The following PAPPA2 variants were observed in gnomAD, a reference collection of about 807,000 sequenced individuals.
PAPPA2 encodes the protein pappalysin 2.
A neutral mutation model predicts 176.4 loss-of-function variants in PAPPA2; 86 were observed. That is an observed-to-expected ratio of 0.49 (90% CI 0.41 to 0.58). The LOEUF is 0.58. PAPPA2 is among the 20% of genes least tolerant of loss of function. The pLI is 0.00. For synonymous variants in PAPPA2, 809 were observed against 852.2 expected (o/e 0.95, Z 0.88); for missense variants, 2,073 against 2,256.9 (o/e 0.92, Z 1.65).
chr1:176,690,214 C>G lies in PAPPA2; in HGVS notation c.2215C>G (p.Leu739Val). 1 of 1,614,076 alleles carries G rather than the reference C, an allele frequency of 6.2e-7. No homozygotes were observed. The highest frequency in any genetic ancestry group is 1.1e-5 in the South Asian group (1 of 91,062). The change falls in exon 5 of 23, where the codon CTG (leucine) becomes GTG (valine). Residue 739 changes from leucine to valine, a missense_variant. Leu to Val is a conservative substitution (Grantham distance 32, BLOSUM62 1). Around this residue, in one of 4 missense-constraint regions of PAPPA2, gnomAD observed 1,196 missense variants for 1,330.4 expected, o/e 0.90. Transcript: ENST00000367662. ...DTMIHEVGHV[L>V]GLYHVFKGVS... The stretch of plus-strand genomic sequence containing the variant: ...CATGATCCATGAAGTGGGACATGTT[C>G]TGGGACTCTACCATGTCTTTAAAGG...
At chr1:176,755,135 G>T (rs1414986133) in intron 14 of PAPPA2, among the ~76,000 whole-genome samples, 2 of 152,102 alleles carry the variant, frequency 1.3e-5, no homozygotes, top group Admixed American at 1.3e-4. Flanking sequence ...TATCAACAAA[G>T]GACTGACAAA....
At chr1:176,673,001 A>G (rs374000878) in intron 4 of PAPPA2, among the ~76,000 whole-genome samples, 1 of 152,160 alleles carries the variant, frequency 6.6e-6, no homozygotes, top group African/African-American at 2.4e-5. Context: ...TAAACCAAAG[A>G]AGGCATTCAG....
At chr1:176,783,563 C>A (rs10913250) in intron 17 of PAPPA2, among the ~76,000 whole-genome samples, 61,945 of 152,096 alleles carry the variant, frequency 0.41, 14,058 homozygotes, top group African/African-American at 0.6. Flanking sequence ...AATTGGGAAA[C>A]GCACCTTCTA....
At chr1:176,803,623 C>T (rs1665776121) in intron 21 of PAPPA2, among the ~76,000 whole-genome samples, 1 of 152,156 alleles carries the variant, frequency 6.6e-6, no homozygotes, top group African/African-American at 2.4e-5. Context: ...TGGTTGGGAC[C>T]TCAACATTTC....
intron 18 of PAPPA2, 97 bp from the exon 19 acceptor site, chr1:176,791,250 A>G: frequency 1.2e-6 from 1 of 806,216 alleles, no homozygotes; most frequent in Non-Finnish European, 1.7e-6. Flanking sequence ...TCCAGGTTCT[A>G]GAACTGGAGA....
chr1:176,723,285 G>A (rs1437796565), intron 12 of PAPPA2, among the ~76,000 whole-genome samples: 1 of 152,124 alleles, frequency 6.6e-6, no homozygotes, highest in Admixed American at 6.5e-5. Context: ...AACTTTTGTG[G>A]ACTACATTTA....
intron 3 of PAPPA2, among the ~76,000 whole-genome samples, chr1:176,596,690 T>C (rs375848002): frequency 3.9e-5 from 6 of 152,312 alleles, no homozygotes; most frequent in Non-Finnish European, 5.9e-5. Flanking sequence ...ACCACTATAT[T>C]CCCAAGGCCT....
rs540681804 is a variant in PAPPA2, at chr1:176,595,226, T to C, written c.1622T>C (p.Ile541Thr). ...TGTGATGATGAGGGCCTAAACCCCA[T>C]TGTGAGTGAGGAGCAGATTCGTCTG... ...NICDDEGLNPIVSEEQIRLQH... is the reference protein window; with the variant it reads ...NICDDEGLNPTVSEEQIRLQH... Residue 541 changes from isoleucine to threonine, a missense_variant, in exon 3 of 23, where the codon ATT becomes ACT. Ile to Thr is a moderately conservative substitution (Grantham distance 89). Coordinates refer to ENST00000367662, the MANE Select transcript of PAPPA2 (RefSeq NM_020318.3). 21 of 1,614,160 alleles carry C rather than the reference T, an allele frequency of 1.3e-5. No homozygotes were observed. The highest frequency in any genetic ancestry group is 3.3e-5 in the South Asian group (3 of 91,078).
chr1:176,575,368 A>C (rs1010541918), intron 2 of PAPPA2, among the ~76,000 whole-genome samples: 1 of 152,330 alleles, frequency 6.6e-6, no homozygotes, highest in East Asian at 1.9e-4. Context: ...TAATCATTAT[A>C]ATTTTTAACA....
intron 2 of PAPPA2, among the ~76,000 whole-genome samples, chr1:176,575,693 A>G (rs1652603044): frequency 1.3e-5 from 2 of 152,256 alleles, no homozygotes; most frequent in Admixed American, 6.5e-5. Flanking sequence ...TTTTTGAGTT[A>G]CTGTAGTTAG....
intron 3 of PAPPA2, among the ~76,000 whole-genome samples, chr1:176,658,839 A>G (rs1380805055): frequency 6.6e-6 from 1 of 152,036 alleles, no homozygotes; most frequent in South Asian, 2.1e-4. Flanking sequence ...ACCAGTTTTG[A>G]TGTTGTACAG....
chr1:176,756,972 C>T (rs1298512120), intron 14 of PAPPA2, among the ~76,000 whole-genome samples: 1 of 152,150 alleles, frequency 6.6e-6, no homozygotes, highest in Non-Finnish European at 1.5e-5. Context: ...GTTTTCTGTC[C>T]TTGTGGTATT....
intron 3 of PAPPA2, among the ~76,000 whole-genome samples, chr1:176,663,094 A>G (rs926560633): frequency 6.6e-6 from 1 of 152,164 alleles, no homozygotes; most frequent in Non-Finnish European, 1.5e-5. Flanking sequence ...GCTAATCACT[A>G]TATCCCTCTT....
chr1:176,834,137 A>G (rs1268830526), intron 21 of PAPPA2, among the ~76,000 whole-genome samples: 2 of 152,228 alleles, frequency 1.3e-5, no homozygotes, highest in Non-Finnish European at 2.9e-5. Context: ...CTAGTAGCTG[A>G]GACTACAAAG....
intron 17 of PAPPA2, among the ~76,000 whole-genome samples, chr1:176,773,281 G>C (rs1399227605): frequency 6.6e-6 from 1 of 152,178 alleles, no homozygotes; most frequent in African/African-American, 2.4e-5. Flanking sequence ...TCAGAAGTTT[G>C]CAAGTCTGGC....
chr1:176,506,668 A>G (rs1648283093), intron 1 of PAPPA2, among the ~76,000 whole-genome samples: 1 of 152,150 alleles, frequency 6.6e-6, no homozygotes, highest in South Asian at 2.1e-4. Context: ...CTATTGGTGT[A>G]TAGAAATGCT....
chr1:176,498,751 C>CACAAAA (rs762510082), intron 1 of PAPPA2, among the ~76,000 whole-genome samples: 20 of 112,124 alleles, frequency 1.8e-4, no homozygotes, highest in Middle Eastern at 4.9e-3. Flanking sequence ...CTCTTACCTC[C>CACAAAA]AAAAAAAAAA....
intron 4 of PAPPA2, among the ~76,000 whole-genome samples, chr1:176,681,314 G>A (rs1399060861): frequency 6.6e-6 from 1 of 152,194 alleles, no homozygotes; most frequent in Non-Finnish European, 1.5e-5. Context: ...CCACAGAGCA[G>A]TGAAAGCACC....
intron 3 of PAPPA2, among the ~76,000 whole-genome samples, chr1:176,668,920 G>A (rs561094840): frequency 1.3e-5 from 2 of 152,252 alleles, no homozygotes; most frequent in African/African-American, 4.8e-5. Context: ...ATTGGACAAG[G>A]AAGAAAAGGG....
Sources: gnomAD v4.1 joint callset for allele counts (sites outside exome capture counted in the v4.1 genomes callset) on GRCh38, gnomAD v4.1.1 for gene constraint, gnomAD v4.1.1 regional missense constraint, MANE v1.5 for transcripts, NCBI Gene and HGNC (gene_info 2026-07-23, HGNC 2026-07-21) for gene names.